Variants in AEBP2 observed in about 807,000 individuals in gnomAD.
The protein encoded by AEBP2 is AE binding protein 2, also known as zinc finger protein AEBP2.
AEBP2 carries 10 observed loss-of-function variants against 50.8 expected under a neutral mutation model. That is an observed-to-expected ratio of 0.20 (90% CI 0.12 to 0.33). The LOEUF (loss-of-function observed/expected upper bound fraction) is 0.33. Among genes scored for constraint, AEBP2 ranks in the 10% least tolerant of loss-of-function variants. The pLI is 1.00. For synonymous variants in AEBP2, 296 were observed against 261.3 expected, an observed-to-expected ratio of 1.13 and a Z score of -1.28; for missense variants, 570 against 688.0, an observed-to-expected ratio of 0.83 and a Z score of 1.92.
At chr12:19,428,340 A>G (rs1015845385) in intron 1 of AEBP2, among the ~76,000 whole-genome samples, 3 of 152,196 alleles carry the variant, frequency 2.0e-5, no homozygotes, top group East Asian at 3.9e-4. Context: ...GAGGTCATCT[A>G]GAGGTCCATG....
At position 19,456,566 on chromosome 12, in the gene AEBP2, G is replaced by T; in HGVS notation, c.672-5944G>T. On this transcript the variant is annotated intron_variant, in intron 1 of 7. Coordinates refer to ENST00000266508, the MANE Select transcript of AEBP2 (RefSeq NM_153207.5). ...TGTGGCAATCCAGTACAGGGGCATA[G>T]CCAGCACTTATTTGGCCTGGAAGGT... is the stretch of plus-strand genomic sequence containing the variant. 7.1e-6 allele frequency: 11 copies of T among 1,539,868 alleles called. No homozygotes were observed. In the South Asian group the frequency reaches 1.2e-4, roughly 17 times the overall value.
chr12:19,446,118 T>TA (rs1002483973), intron 1 of AEBP2: 43 of 152,332 alleles, frequency 2.8e-4, no homozygotes, highest in African/African-American at 9.6e-4. Flanking sequence ...TGGTCTAACC[T>TA]ATGATTAATT....
intron 4 of AEBP2, among the ~76,000 whole-genome samples, chr12:19,497,328 G>GTTTGT (rs1555186667): frequency 7.6e-5 from 6 of 78,712 alleles, no homozygotes; most frequent in African/African-American, 3.1e-4. Context: ...TTCCAAAGGT[G>GTTTGT]TTTTTTTTTT....
intron 3 of AEBP2, among the ~76,000 whole-genome samples, chr12:19,486,089 A>G (rs1307024949): frequency 2.0e-5 from 3 of 151,738 alleles, no homozygotes; most frequent in Non-Finnish European, 2.9e-5. Context: ...GATAGAGAAT[A>G]TTTCAGTAAG....
chr12:19,462,363 T>C, intron 1 of AEBP2, 147 bp from the exon 2 acceptor site: 1 of 646,252 alleles, frequency 1.5e-6, no homozygotes, highest in Non-Finnish European at 2.6e-6. Flanking sequence ...TTTAAAAGCA[T>C]TGTTGTTTTC....
rs1947904644 is a variant in AEBP2, at chr12:19,439,666, G to GTGA, written c.-34_-33insTGA. On this transcript the variant is annotated 5_prime_UTR_variant, in exon 1 of 8. Transcript: ENST00000266508. ...GAGTCGAGAGAGGGAGGCGGCGGTGGGGAGGAGGAGGAGGAGGAGGAGCAG... is the reference window on the plus strand; with the variant it reads ...GAGTCGAGAGAGGGAGGCGGCGGTGGTGAGGAGGAGGAGGAGGAGGAGGAGCAG... The GTGA allele has an allele frequency of 3.4e-6, 5 of 1,475,304 alleles. No homozygotes were observed. The South Asian group carries it at 5.0e-5, about 15-fold the overall frequency. The allele number at this position is 1,475,304 out of a possible 1,614,324, so 91.4% of individuals were successfully genotyped here. A position where few individuals can be genotyped will look rare whatever the true frequency, so the allele number is the denominator to read the frequency against.
intron 3 of AEBP2, among the ~76,000 whole-genome samples, chr12:19,476,515 A>C (rs900306597): frequency 7.8e-6 from 1 of 128,070 alleles, no homozygotes; most frequent in African/African-American, 2.5e-5. Flanking sequence ...CTAATTTTTA[A>C]ATTTTTAGTA....
intron 3 of AEBP2, among the ~76,000 whole-genome samples, chr12:19,489,085 G>A (rs1216962638): frequency 6.6e-6 from 1 of 152,110 alleles, no homozygotes; most frequent in African/African-American, 2.4e-5. Context: ...CACCATGCCT[G>A]GCCAACATAC....
intron 1 of AEBP2, among the ~76,000 whole-genome samples, chr12:19,459,028 T>A (rs75073873): frequency 0.02 from 3,043 of 152,308 alleles, 45 homozygotes; most frequent in Non-Finnish European, 0.03. Flanking sequence ...CACATTGAGT[T>A]TTTATTGCTT....
At chr12:19,475,650 T>C (rs1450577957) in intron 3 of AEBP2, among the ~76,000 whole-genome samples, 1 of 152,138 alleles carries the variant, frequency 6.6e-6, no homozygotes, top group African/African-American at 2.4e-5. Flanking sequence ...AGTTCTACTT[T>C]TAGTTCTTTA....
chr12:19,504,162 T>C (rs952135759), intron 5 of AEBP2, among the ~76,000 whole-genome samples: 7 of 151,988 alleles, frequency 4.6e-5, no homozygotes, highest in Non-Finnish European at 8.8e-5. Context: ...TGTTGTCCCC[T>C]AACTTGAATT....
At chr12:19,480,191 C>T (rs1159854678) in intron 3 of AEBP2, among the ~76,000 whole-genome samples, 2 of 152,146 alleles carry the variant, frequency 1.3e-5, no homozygotes, top group African/African-American at 4.8e-5. Flanking sequence ...CAACCTCAGC[C>T]TCTTGGGTTC....
At chr12:19,456,165 T>C in intron 1 of AEBP2, 4 of 968,696 alleles carry the variant, frequency 4.1e-6, no homozygotes, top group Non-Finnish European at 4.6e-6. Flanking sequence ...TAAACTTAAA[T>C]GGCCAATTGA....
Position 19,463,074 on chromosome 12 carries a change from A to ATTTTC in AEBP2, c.879+357_879+358insTTTTC, listed in dbSNP as rs1948405602. On this transcript the variant is annotated intron_variant, in intron 2 of 7. Transcript: ENST00000266508. ...GATTTTCCTTTGTTAGAGGATCCTAAATTATTCCTGACGCTTAAATTAACT... is the reference window on the plus strand; with the variant it reads ...GATTTTCCTTTGTTAGAGGATCCTAATTTTCATTATTCCTGACGCTTAAATTAACT... Among the ~76,000 whole-genome samples the ATTTTC allele has an allele frequency of 2.0e-5, 3 of 152,170 alleles. No individual in the cohort carries two copies. In the East Asian group the frequency reaches 5.8e-4, roughly 29 times the overall value.
At chr12:19,488,875 C>T (rs763654299) in intron 3 of AEBP2, among the ~76,000 whole-genome samples, 3 of 152,100 alleles carry the variant, frequency 2.0e-5, no homozygotes, top group African/African-American at 4.8e-5. Context: ...CCACAACCTC[C>T]GCCTCCCAGG....
At chr12:19,509,204 A>G in intron 5 of AEBP2, 1 of 384,650 alleles carries the variant, frequency 2.6e-6, no homozygotes, top group South Asian at 4.2e-5. Flanking sequence ...TAAGGAGTAG[A>G]AAATTGGGGT....
At chr12:19,437,941 T>G (rs1722135049), upstream of AEBP2, among the ~76,000 whole-genome samples, 1 of 152,332 alleles carries the variant, frequency 6.6e-6, no homozygotes, top group African/African-American at 2.4e-5. Flanking sequence ...GTCAGTTCTA[T>G]CCTCATTTTC....
intron 1 of AEBP2, among the ~76,000 whole-genome samples, chr12:19,445,099 A>T (rs776428701): frequency 2.6e-5 from 4 of 152,122 alleles, no homozygotes; most frequent in African/African-American, 7.2e-5. Flanking sequence ...ATCCTGTAAG[A>T]TTGCAATGTG....
At chr12:19,509,718 T>A (rs1565737432) in intron 5 of AEBP2, among the ~76,000 whole-genome samples, 2 of 151,918 alleles carry the variant, frequency 1.3e-5, no homozygotes, top group South Asian at 2.1e-4. Flanking sequence ...CTGCACTGCC[T>A]GGGTGACAGA....
Sources: allele counts gnomAD v4.1 joint callset (sites outside exome capture counted in the v4.1 genomes callset), GRCh38; gene constraint gnomAD v4.1.1; transcripts MANE v1.5; gene names NCBI Gene and HGNC (gene_info 2026-07-23, HGNC 2026-07-21).